The following ITGBL1 variants were observed in gnomAD, a reference collection of about 807,000 sequenced individuals.
ITGBL1 encodes the protein integrin beta-like protein 1.
A neutral mutation model predicts 68.5 loss-of-function variants in ITGBL1; 51 were observed. The observed-to-expected ratio is 0.74, with a 90% confidence interval of 0.59 to 0.94. The LOEUF is 0.94. Ranked by LOEUF, ITGBL1 falls within the 40% of genes least tolerant of loss-of-function variation. The pLI is 0.00. For missense variants in ITGBL1, 649 were observed against 647.4 expected, an observed-to-expected ratio of 1.00 and a Z score of -0.03; for synonymous variants, 209 against 227.3, an observed-to-expected ratio of 0.92 and a Z score of 0.72.
chr13:101,538,703 T>TG (rs368080347), intron 2 of ITGBL1, among the ~76,000 whole-genome samples: 21 of 152,262 alleles, frequency 1.4e-4, no homozygotes, highest in African/African-American at 5.1e-4. Flanking sequence ...AATAAGCTAA[T>TG]GGATATGTTA....
At chr13:101,580,210 AC>A (rs1179037137) in intron 5 of ITGBL1, among the ~76,000 whole-genome samples, 3 of 152,132 alleles carry the variant, frequency 2.0e-5, no homozygotes, top group Non-Finnish European at 4.4e-5. Flanking sequence ...TAGCTGGAAA[AC>A]TTTTTTTCAT....
intron 2 of ITGBL1, among the ~76,000 whole-genome samples, chr13:101,454,726 G>A (rs2139608747): frequency 6.6e-6 from 1 of 152,312 alleles, no homozygotes; most frequent in East Asian, 1.9e-4. Context: ...TGTCTTTGAA[G>A]CCTGATTTGC....
intron 7 of ITGBL1, among the ~76,000 whole-genome samples, chr13:101,621,368 A>G (rs1398506374): frequency 6.6e-6 from 1 of 152,154 alleles, no homozygotes; most frequent in Non-Finnish European, 1.5e-5. Context: ...TTTGTCATAC[A>G]GAGTGTTGCT....
intron 2 of ITGBL1, among the ~76,000 whole-genome samples, chr13:101,543,077 T>C (rs1332428049): frequency 6.6e-6 from 1 of 152,356 alleles, no homozygotes; most frequent in African/African-American, 2.4e-5. Flanking sequence ...AATATTGTTA[T>C]GTGTGAATTT....
intron 6 of ITGBL1, among the ~76,000 whole-genome samples, chr13:101,586,844 AT>A (rs373517343): frequency 1.6e-3 from 240 of 152,278 alleles, no homozygotes; most frequent in African/African-American, 5.6e-3. Flanking sequence ...TATATACTGT[AT>A]GGTATTATGC....
At chr13:101,693,612 A>ATCTG (rs201318111) in intron 8 of ITGBL1, among the ~76,000 whole-genome samples, 5,951 of 137,722 alleles carry the variant, frequency 0.043, 138 homozygotes, top group Middle Eastern at 0.078. Flanking sequence ...CATCCATCCT[A>ATCTG]TCTGTCTGTC....
chr13:101,688,210 G>A (rs745554773), intron 7 of ITGBL1, among the ~76,000 whole-genome samples: 21 of 152,230 alleles, frequency 1.4e-4, no homozygotes, highest in Middle Eastern at 3.4e-3. Context: ...AGTCTGGACC[G>A]TAGTGATTTT....
intron 7 of ITGBL1, among the ~76,000 whole-genome samples, chr13:101,651,083 T>C (rs930971245): frequency 2.0e-5 from 3 of 152,232 alleles, no homozygotes; most frequent in Non-Finnish European, 2.9e-5. Context: ...GTCTTTGCTA[T>C]TGTGAATAGT....
rs543360504 is a variant in ITGBL1, at chr13:101,617,336, A to G, written c.1015+19037A>G. 2.0e-5 allele frequency among the ~76,000 whole-genome samples: 3 copies of G among 152,140 alleles called. No homozygotes were observed. The East Asian group carries it at 5.8e-4, about 30-fold the overall frequency. On this transcript the variant is annotated intron_variant, in intron 7 of 10. Coordinates refer to ENST00000376180, the MANE Select transcript of ITGBL1 (RefSeq NM_004791.3). Reference sequence around the variant, plus strand: ...TTTGTCACTGAAGTTTCTTTTAAGGATAATTGGTAACAAGCAGAAGTTCAA... The same window carrying G: ...TTTGTCACTGAAGTTTCTTTTAAGGGTAATTGGTAACAAGCAGAAGTTCAA...
chr13:101,701,565 A>T (rs542596697), intron 8 of ITGBL1, among the ~76,000 whole-genome samples: 96 of 152,160 alleles, frequency 6.3e-4, no homozygotes, highest in Non-Finnish European at 1.1e-3. Flanking sequence ...AATAAATAAA[A>T]AATCATCTAT....
intron 2 of ITGBL1, among the ~76,000 whole-genome samples, chr13:101,484,030 C>G (rs994913095): frequency 3.3e-5 from 5 of 151,156 alleles, no homozygotes; most frequent in African/African-American, 1.2e-4. Context: ...TCATCAATCT[C>G]TATTCTTTTT....
chr13:101,522,989 T>C (rs1594863868), intron 2 of ITGBL1, among the ~76,000 whole-genome samples: 2 of 152,314 alleles, frequency 1.3e-5, no homozygotes, highest in East Asian at 3.9e-4. Flanking sequence ...TCCTCTCTCG[T>C]CCAAAGATTT....
At chr13:101,567,617 G>A (rs1339987820) in intron 2 of ITGBL1, 82 bp from the exon 3 acceptor site, 2 of 1,287,114 alleles carry the variant, frequency 1.6e-6, no homozygotes, top group Non-Finnish European at 1.1e-6. Context: ...CCAAATCAAT[G>A]TCACTGTTAA....
chr13:101,700,453 G>C (rs1337000216), intron 8 of ITGBL1, among the ~76,000 whole-genome samples: 1 of 152,020 alleles, frequency 6.6e-6, no homozygotes, highest in East Asian at 1.9e-4. Flanking sequence ...CTTTTCACTT[G>C]GAAAACAGCA....
intron 7 of ITGBL1, among the ~76,000 whole-genome samples, chr13:101,604,022 A>G (rs1053119360): frequency 9.9e-5 from 15 of 151,978 alleles, no homozygotes; most frequent in Admixed American, 6.6e-5. Context: ...ATGCACTTAT[A>G]TTTTAAAACA....
At chr13:101,655,840 G>A (rs778684490) in intron 7 of ITGBL1, among the ~76,000 whole-genome samples, 10 of 152,248 alleles carry the variant, frequency 6.6e-5, no homozygotes, top group Middle Eastern at 3.4e-3. Context: ...TATTGTTGAC[G>A]AAAAGAGTCA....
chr13:101,558,771 C>A (rs1211357677), intron 2 of ITGBL1, among the ~76,000 whole-genome samples: 1 of 152,078 alleles, frequency 6.6e-6, no homozygotes, highest in Non-Finnish European at 1.5e-5. Context: ...ATTTACCAGA[C>A]AAAAATATTG....
chr13:101,462,509 G>A (rs1374465049), intron 2 of ITGBL1, among the ~76,000 whole-genome samples: 1 of 152,222 alleles, frequency 6.6e-6, no homozygotes, highest in Non-Finnish European at 1.5e-5. Flanking sequence ...GCTCCATCGA[G>A]GATGCAAGGG....
chr13:101,547,270 C>G (rs1033712122), intron 2 of ITGBL1, among the ~76,000 whole-genome samples: 1 of 151,652 alleles, frequency 6.6e-6, no homozygotes, highest in East Asian at 1.9e-4. Context: ...ATGACTTTGC[C>G]ATTTTACTAG....
Sources: gnomAD v4.1 joint callset for allele counts (sites outside exome capture counted in the v4.1 genomes callset) on GRCh38, gnomAD v4.1.1 for gene constraint, MANE v1.5 for transcripts, NCBI Gene and HGNC (gene_info 2026-07-23, HGNC 2026-07-21) for gene names.